STARD9: variants seen among roughly 807,000 people sequenced by gnomAD.
STARD9 encodes the protein stAR-related lipid transfer protein 9.
A neutral mutation model predicts 399.8 loss-of-function variants in STARD9; 346 were observed. The observed-to-expected ratio is 0.87, with a 90% CI of 0.79 to 0.95. The LOEUF (loss-of-function observed/expected upper bound fraction) is 0.95, where lower values mean the gene tolerates loss of function less well. Among genes scored for constraint, STARD9 ranks in the 40% least tolerant of loss-of-function variants. The pLI is 0.00. For synonymous variants in STARD9, 2,203 were observed against 2,143.5 expected, an observed-to-expected ratio of 1.03 and a Z score of -0.77; for missense variants, 5,832 against 5,667.5, an observed-to-expected ratio of 1.03 and a Z score of -0.93.
intron 26 of STARD9, among the ~76,000 whole-genome samples, chr15:42,703,544 T>TA (rs1566959800): frequency 2.6e-5 from 4 of 151,160 alleles, no homozygotes; most frequent in African/African-American, 9.7e-5. Context: ...TTTTTTTTTT[T>TA]TTGTATTTTT....
chr15:42,647,625 C>T (rs1230692694), intron 7 of STARD9, among the ~76,000 whole-genome samples: 1 of 152,032 alleles, frequency 6.6e-6, no homozygotes, highest in African/African-American at 2.4e-5. Flanking sequence ...ATGTATGTTT[C>T]AGATGTGTTT....
chr15:42,688,861 T>C lies in STARD9; in HGVS notation c.7283T>C (p.Ile2428Thr). The C allele has an allele frequency of 6.5e-7, 1 of 1,537,046 alleles. No homozygotes were observed. Among genetic ancestry groups the C allele is most frequent in the Admixed American group, 2.0e-5 (1 of 50,998 alleles). ...SHSQSGVPES[I>T]PLGTEDRISA... ...AGTCAATCTGGTGTACCAGAGAGCA[T>C]TCCTCTGGGGACAGAGGACAGGATC... The change falls in exon 23 of 33, where the codon ATT becomes ACT. Residue 2428 changes from isoleucine (I) to threonine (T), a missense_variant. Coordinates refer to ENST00000290607, the MANE Select transcript of STARD9 (RefSeq NM_020759.3).
chr15:42,590,012 G>A (rs138751760), intron 3 of STARD9, among the ~76,000 whole-genome samples: 20 of 145,264 alleles, frequency 1.4e-4, no homozygotes, highest in Non-Finnish European at 2.4e-4. Flanking sequence ...TCAGGCTGGA[G>A]TAGGGTGGCG....
At chr15:42,582,202 C>A (rs1161729388) in intron 1 of STARD9, among the ~76,000 whole-genome samples, 1 of 152,170 alleles carries the variant, frequency 6.6e-6, no homozygotes, top group Non-Finnish European at 1.5e-5. Flanking sequence ...CTCCTACCCC[C>A]AGTCCTCTAG....
At chr15:42,663,032 C>G in intron 11 of STARD9, 141 bp downstream of exon 11, 1 of 751,324 alleles carries the variant, frequency 1.3e-6, no homozygotes, top group Non-Finnish European at 2.1e-6. Flanking sequence ...TGATATTTGT[C>G]CTTGGTTTTA....
chr15:42,700,891 T>G (rs2060950611), intron 26 of STARD9, among the ~76,000 whole-genome samples: 1 of 152,208 alleles, frequency 6.6e-6, no homozygotes, highest in Non-Finnish European at 1.5e-5. Context: ...TCTTGTAGTT[T>G]CATATTTTCT....
chr15:42,691,126 A>G lies in STARD9; in HGVS notation c.9548A>G (p.Asp3183Gly), dbSNP rs2060685412. 1 of 1,537,240 alleles carries G rather than the reference A, an allele frequency of 6.5e-7. No individual in the cohort carries two copies. The highest frequency in any genetic ancestry group is 2.4e-5 in the East Asian group (1 of 40,922). ...CCACAATTTTCCACTGAGTTGAGGG[A>G]TCACAATCGCTTGGATTCCCAAGCC... ...EKPQFSTELR[D>G]HNRLDSQAKF... Residue 3183 changes from aspartate to glycine, a missense_variant, in exon 23 of 33, where the codon GAT becomes GGT. This residue lies in a region of STARD9 where 5,828 missense variants were observed against 5,651.1 expected (regional missense o/e 1.03). Transcript: ENST00000290607.
chr15:42,652,304 A>C (rs1412511337), intron 8 of STARD9, among the ~76,000 whole-genome samples: 9 of 152,044 alleles, frequency 5.9e-5, no homozygotes, highest in Non-Finnish European at 1.3e-4. Context: ...GTTTAGTATG[A>C]AGCTACACTC....
chr15:42,645,906 T>C lies in STARD9; in HGVS notation c.560-5110T>C, dbSNP rs2059636514. 2.6e-5 allele frequency among the ~76,000 whole-genome samples: 4 copies of C among 151,684 alleles called. No individual in the cohort carries two copies. The South Asian group carries it at 8.4e-4, about 32-fold the overall frequency. ...AAGTCATGGTGGCTCATGCCTGTAA[T>C]CCCAGCACTTTGGGAGGTTGAGGTG... On this transcript the variant is annotated intron_variant, in intron 7 of 32. Coordinates refer to ENST00000290607, the MANE Select transcript of STARD9 (RefSeq NM_020759.3).
chr15:42,619,959 G>A (rs1315557854), intron 3 of STARD9, among the ~76,000 whole-genome samples: 4 of 152,212 alleles, frequency 2.6e-5, no homozygotes, highest in Non-Finnish European at 4.4e-5. Flanking sequence ...TCAGCAGGAG[G>A]GGTTTCCTCC....
At chr15:42,638,848 C>A in intron 7 of STARD9, 36 bp downstream of exon 7, 1 of 1,298,846 alleles carries the variant, frequency 7.7e-7, no homozygotes, top group Non-Finnish European at 1.1e-6. Context: ...TGAAACCAAA[C>A]TGAAGCCTGG....
Position 42,693,367 on chromosome 15 carries a change from G to A in STARD9, c.11789G>A (p.Gly3930Asp). Reference sequence around the variant, plus strand: ...GCCCCTTCAACTCACCCTGTTGAAGGCCACCAGAAGCTTGACTCCAGCCCA... The same window carrying A: ...GCCCCTTCAACTCACCCTGTTGAAGACCACCAGAAGCTTGACTCCAGCCCA... ...LSAPSTHPVE[G>D]HQKLDSSPDP... The change falls in exon 23 of 33, where the codon GGC becomes GAC. Residue 3930 changes from glycine to aspartate, a missense_variant. Around this residue, in one of 2 missense-constraint regions of STARD9, gnomAD observed 5,828 missense variants for 5,651.1 expected, o/e 1.03. Transcript: ENST00000290607. The A allele has an allele frequency of 1.3e-6, 2 of 1,537,136 alleles. No homozygotes were observed. The highest frequency in any genetic ancestry group is 1.7e-6 in the Non-Finnish European group (2 of 1,146,892).
At chr15:42,588,799 T>TGGGG (rs2058336187) in intron 3 of STARD9, among the ~76,000 whole-genome samples, 1 of 38,294 alleles carries the variant, frequency 2.6e-5, no homozygotes, top group African/African-American at 5.7e-5. Context: ...TTTTTTTTTT[T>TGGGG]TTTTTTTTTT....
intron 32 of STARD9, 43 bp downstream of exon 32, chr15:42,718,953 T>TGG: frequency 6.6e-7 from 1 of 1,518,332 alleles, no homozygotes. Context: ...CAGGCTGACT[T>TGG]GGTCCCACAG....
In STARD9 at chr15:42,575,658, C is replaced by T. The variant is rs915040980; in HGVS notation, c.-58C>T. On this transcript the variant is annotated 5_prime_UTR_variant, in exon 1 of 33. Coordinates refer to ENST00000290607, the MANE Select transcript of STARD9 (RefSeq NM_020759.3). ...GTTGGGGCTGTGTCTGGGCTTAGGG[C>T]GGGGGCCTGGGATGCTGCCGCTGAG... 6.6e-6 allele frequency: 10 copies of T among 1,521,702 alleles called. No homozygotes were observed. Among genetic ancestry groups the T allele is most frequent in the Middle Eastern group, 2.2e-4 (1 of 4,532 alleles). 94.3% of individuals were successfully genotyped at this position (1,521,702 alleles called of 1,614,324 possible). A position where few individuals can be genotyped will look rare whatever the true frequency, so the allele number is the denominator to read the frequency against.
At chr15:42,578,227 C>T (rs1300792506) in intron 1 of STARD9, among the ~76,000 whole-genome samples, 1 of 152,052 alleles carries the variant, frequency 6.6e-6, no homozygotes, top group Admixed American at 6.6e-5. Flanking sequence ...TCTCCTGCCC[C>T]AGCCTCCTGA....
chr15:42,624,219 A>G (rs1227756478), intron 3 of STARD9, among the ~76,000 whole-genome samples: 1 of 152,200 alleles, frequency 6.6e-6, no homozygotes, highest in Non-Finnish European at 1.5e-5. Flanking sequence ...GAGTGGAGCT[A>G]TAGTATGCTT....
chr15:42,635,124 G>A (rs561697588), intron 4 of STARD9, among the ~76,000 whole-genome samples, 152 bp downstream of exon 4: 27 of 151,920 alleles, frequency 1.8e-4, no homozygotes, highest in African/African-American at 6.3e-4. Context: ...TGAGTTTTTC[G>A]GCTGGGCGCA....
At chr15:42,607,194 C>T (rs1414473891) in intron 3 of STARD9, among the ~76,000 whole-genome samples, 25 of 39,260 alleles carry the variant, frequency 6.4e-4, no homozygotes, top group South Asian at 3.4e-3. Context: ...TTTTCTGGTG[C>T]TTTTTTTTTT....
Sources: allele counts gnomAD v4.1 joint callset (sites outside exome capture counted in the v4.1 genomes callset), GRCh38; gene constraint gnomAD v4.1.1; regional missense constraint gnomAD v4.1.1; transcripts MANE v1.5; gene names NCBI Gene and HGNC (gene_info 2026-07-23, HGNC 2026-07-21).